AFF1: variants seen among roughly 807,000 people sequenced by gnomAD.
The protein encoded by AFF1 is ALF transcription elongation factor 1, also known as AF4/FMR2 family member 1.
Under a neutral mutation model 121.7 loss-of-function variants are expected in AFF1, and 48 were observed. The observed-to-expected ratio is 0.39, with a 90% confidence interval of 0.31 to 0.50. The LOEUF is 0.50. Ranked by LOEUF, AFF1 falls within the 20% of genes least tolerant of loss-of-function variation. AFF1 has a pLI of 0.76. For synonymous variants in AFF1, 613 were observed against 563.0 expected, an observed-to-expected ratio of 1.09 and a Z score of -1.26; for missense variants, 1,523 against 1,511.7, an observed-to-expected ratio of 1.01 and a Z score of -0.12.
chr4:87,019,892 G>GGA (rs1553918056), intron 2 of AFF1, among the ~76,000 whole-genome samples: 2 of 142,060 alleles, frequency 1.4e-5, no homozygotes, highest in African/African-American at 5.1e-5. Context: ...GTCGGGGGGG[G>GGA]GCAGTCTTGG....
intron 2 of AFF1, among the ~76,000 whole-genome samples, chr4:86,985,568 C>T (rs1217304948): frequency 7.3e-5 from 11 of 150,788 alleles, no homozygotes; most frequent in African/African-American, 2.0e-4. Context: ...CTCAGCTCCT[C>T]GGGAGGCTGA....
rs770163672 is a variant in AFF1, at chr4:87,007,357, CG to C, written c.39-38805del. ...AGCGCGGCGCTGGCAGCAGGGCCCG[CG>C]GGGTGAAGGCGCTCATGGACGGAAG... On this transcript the variant is annotated intron_variant, in intron 2 of 20. Transcript: ENST00000395146. 1.9e-6 allele frequency: 3 copies of C among 1,611,934 alleles called. No individual in the cohort carries two copies. In the South Asian group the frequency reaches 3.3e-5, roughly 18 times the overall value.
intron 2 of AFF1, among the ~76,000 whole-genome samples, chr4:87,038,031 T>G (rs1392529235): frequency 3.3e-5 from 5 of 152,122 alleles, no homozygotes; most frequent in Non-Finnish European, 7.4e-5. Flanking sequence ...CAAACAGAAG[T>G]GAGTAGCAGA....
intron 1 of AFF1, among the ~76,000 whole-genome samples, chr4:86,941,844 A>G (rs556232587): frequency 1.4e-5 from 2 of 146,086 alleles, no homozygotes; most frequent in African/African-American, 4.9e-5. Flanking sequence ...GAAAAAGATA[A>G]TCTGAAACAA....
intron 2 of AFF1, among the ~76,000 whole-genome samples, chr4:87,038,687 A>G (rs1201115619): frequency 6.6e-6 from 1 of 152,174 alleles, no homozygotes; most frequent in Admixed American, 6.5e-5. Context: ...TTGTTGCTCT[A>G]TCCTTTGTAC....
At chr4:87,131,692 C>G in intron 17 of AFF1, 101 bp from the exon 18 acceptor site, 1 of 1,056,470 alleles carries the variant, frequency 9.5e-7, no homozygotes, top group Non-Finnish European at 1.4e-6. Flanking sequence ...GCTCTCATCT[C>G]TTCTTCAGGA....
intron 2 of AFF1, among the ~76,000 whole-genome samples, chr4:86,996,600 G>A (rs888295232): frequency 1.3e-5 from 2 of 150,882 alleles, no homozygotes; most frequent in Non-Finnish European, 3.0e-5. Context: ...AAGGCCGCAG[G>A]GTCCTCTGCC....
intron 15 of AFF1, 34 bp downstream of exon 15, chr4:87,127,151 T>C: frequency 6.5e-7 from 1 of 1,531,906 alleles, no homozygotes; most frequent in South Asian, 1.1e-5. Context: ...TTGCTCTGTT[T>C]TGTTTTGTTT....
intron 2 of AFF1, chr4:86,949,537 A>ATTAATT (rs57335156): frequency 4.1e-6 from 1 of 244,118 alleles, no homozygotes. Context: ...TATTATTATT[A>ATTAATT]TTTTTTTTTT....
chr4:87,057,990 T>C (rs1301538593), intron 4 of AFF1, among the ~76,000 whole-genome samples: 2 of 151,570 alleles, frequency 1.3e-5, no homozygotes, highest in Non-Finnish European at 2.9e-5. Context: ...CAATCTCTGG[T>C]GTAAACAGTT....
At chr4:87,090,845 C>T (rs1440306932) in intron 6 of AFF1, among the ~76,000 whole-genome samples, 1 of 151,512 alleles carries the variant, frequency 6.6e-6, no homozygotes, top group Non-Finnish European at 1.5e-5. Context: ...AAAACTTTGT[C>T]TCTCCAAAAA....
chr4:86,976,595 A>G (rs1723319486), intron 2 of AFF1, among the ~76,000 whole-genome samples: 1 of 152,180 alleles, frequency 6.6e-6, no homozygotes, highest in Admixed American at 6.5e-5. Context: ...GAAGGGAACA[A>G]CAGACCCCAG....
intron 2 of AFF1, among the ~76,000 whole-genome samples, chr4:86,949,449 A>G (rs566014387): frequency 1.4e-4 from 20 of 147,962 alleles, no homozygotes; most frequent in African/African-American, 4.9e-4. Flanking sequence ...TGTTACTACT[A>G]CCCCTTGTAG....
chr4:86,979,650 TACTC>T (rs775607619), intron 2 of AFF1, among the ~76,000 whole-genome samples: 88 of 152,340 alleles, frequency 5.8e-4, no homozygotes, highest in Non-Finnish European at 1.1e-3. Context: ...TATGAAAAGA[TACTC>T]AGTCATGCAT....
At chr4:87,027,393 T>G (rs1324668984) in intron 2 of AFF1, among the ~76,000 whole-genome samples, 1 of 152,270 alleles carries the variant, frequency 6.6e-6, no homozygotes, top group Non-Finnish European at 1.5e-5. Flanking sequence ...TGAAATCATG[T>G]GTCTCACAAG....
At chr4:87,104,355 A>G (rs1401943173) in intron 8 of AFF1, among the ~76,000 whole-genome samples, 1 of 152,246 alleles carries the variant, frequency 6.6e-6, no homozygotes, top group Non-Finnish European at 1.5e-5. Flanking sequence ...CAGTAAGCCA[A>G]GATCACACCT....
intron 2 of AFF1, among the ~76,000 whole-genome samples, chr4:86,992,593 T>G (rs1436820300): frequency 6.6e-6 from 1 of 152,178 alleles, no homozygotes; most frequent in Non-Finnish European, 1.5e-5. Context: ...GTCAGTGACT[T>G]GTAAGGGCAC....
intron 4 of AFF1, among the ~76,000 whole-genome samples, chr4:87,048,757 C>T (rs1354070065): frequency 6.6e-6 from 1 of 152,112 alleles, no homozygotes; most frequent in Non-Finnish European, 1.5e-5. Context: ...GAGCTGAGTA[C>T]TTCCAGATGT....
At chr4:86,943,194 G>C (rs1033135300) in intron 1 of AFF1, among the ~76,000 whole-genome samples, 1 of 152,216 alleles carries the variant, frequency 6.6e-6, no homozygotes, top group Non-Finnish European at 1.5e-5. Context: ...GTGTAGAAGA[G>C]ATAGTTGGGG....
Sources: gnomAD v4.1 joint callset for allele counts (sites outside exome capture counted in the v4.1 genomes callset) on GRCh38, gnomAD v4.1.1 for gene constraint, MANE v1.5 for transcripts, NCBI Gene and HGNC (gene_info 2026-07-23, HGNC 2026-07-21) for gene names.